MAP6: variants seen among roughly 807,000 people sequenced by gnomAD.
MAP6 encodes the protein microtubule associated protein 6, also known as microtubule-associated protein 6.
A neutral mutation model predicts 42.4 loss-of-function variants in MAP6; 26 were observed. That is an observed-to-expected ratio of 0.61 (90% CI 0.45 to 0.85). The LOEUF (loss-of-function observed/expected upper bound fraction) is 0.85, where lower values mean the gene tolerates loss of function less well. Among genes scored for constraint, MAP6 ranks in the 40% least tolerant of loss-of-function variants. The pLI, the probability that MAP6 is intolerant of heterozygous loss-of-function variation, is 0.00. For synonymous variants in MAP6, 418 were observed against 443.8 expected, an observed-to-expected ratio of 0.94 and a Z score of 0.73; for missense variants, 966 against 1,099.0, an observed-to-expected ratio of 0.88 and a Z score of 1.71.
intron 1 of MAP6, among the ~76,000 whole-genome samples, chr11:75,666,094 C>A (rs989133544): frequency 1.3e-5 from 2 of 152,162 alleles, no homozygotes; most frequent in Admixed American, 6.5e-5. Context: ...CCCCGCCCCC[C>A]ACACCCTCTT....
chr11:75,612,568 T>C (rs1406744405), intron 1 of MAP6, among the ~76,000 whole-genome samples: 1 of 152,166 alleles, frequency 6.6e-6, no homozygotes, highest in African/African-American at 2.4e-5. Context: ...GCAGGTGAAC[T>C]GATCAGGGTG....
rs143879548 is a variant in MAP6, at chr11:75,618,976, G to T, written c.906-10654C>A. On this transcript the variant is annotated intron_variant, in intron 1 of 3. Transcript: ENST00000304771. ...TGACTCCTGCCCCACAAAGGACTAG[G>T]CCGGCTGAGGGGGAGTGGGTGGGAG... 4.6e-5 allele frequency among the ~76,000 whole-genome samples: 7 copies of T among 152,356 alleles called. No homozygotes were observed. In the East Asian group the frequency reaches 1.3e-3, roughly 29 times the overall value.
chr11:75,603,436 C>T (rs1021481873), intron 3 of MAP6: 13 of 985,448 alleles, frequency 1.3e-5, no homozygotes, highest in Non-Finnish European at 1.6e-5. Context: ...AAGTCTCTTG[C>T]CAGTAAAGTG....
intron 1 of MAP6, among the ~76,000 whole-genome samples, chr11:75,624,198 G>A (rs1943159277): frequency 6.6e-6 from 1 of 152,228 alleles, no homozygotes; most frequent in Admixed American, 6.5e-5. Context: ...GAGAAAATGT[G>A]AGACTTGTTT....
chr11:75,600,910 G>A (rs1440205421), intron 3 of MAP6, among the ~76,000 whole-genome samples: 1 of 152,244 alleles, frequency 6.6e-6, no homozygotes, highest in Non-Finnish European at 1.5e-5. Flanking sequence ...AGGAAGAATT[G>A]AAATACATTT....
chr11:75,589,245 C>T (rs537455048), intron 3 of MAP6, among the ~76,000 whole-genome samples: 1 of 152,342 alleles, frequency 6.6e-6, no homozygotes, highest in African/African-American at 2.4e-5. Flanking sequence ...CTCACTGTGG[C>T]CGTCTGCCTC....
At chr11:75,647,717 A>G (rs1339985125) in intron 1 of MAP6, among the ~76,000 whole-genome samples, 1 of 152,230 alleles carries the variant, frequency 6.6e-6, no homozygotes, top group Non-Finnish European at 1.5e-5. Flanking sequence ...GCAGTATTAT[A>G]GAGATGTTAA....
intron 1 of MAP6, among the ~76,000 whole-genome samples, chr11:75,626,629 T>C (rs1943202098): frequency 6.6e-6 from 1 of 152,192 alleles, no homozygotes. Context: ...CCTGCAGCAA[T>C]TATAATATCG....
chr11:75,625,457 C>T (rs1224024985), intron 1 of MAP6, among the ~76,000 whole-genome samples: 1 of 152,128 alleles, frequency 6.6e-6, no homozygotes, highest in Admixed American at 6.5e-5. Context: ...GATGTTGGGG[C>T]CTACAGTGTG....
intron 3 of MAP6, chr11:75,602,960 A>G (rs773989335): frequency 7.4e-5 from 73 of 985,756 alleles, no homozygotes; most frequent in Non-Finnish European, 8.0e-5. Context: ...TCAATTGGCT[A>G]TACATGAATA....
chr11:75,651,515 C>A (rs1943645680), intron 1 of MAP6, among the ~76,000 whole-genome samples: 1 of 151,990 alleles, frequency 6.6e-6, no homozygotes, highest in African/African-American at 2.4e-5. Context: ...TACCATTTAT[C>A]CCTCGTCCAT....
At chr11:75,618,441 T>C (rs1219915507) in intron 1 of MAP6, among the ~76,000 whole-genome samples, 2 of 151,924 alleles carry the variant, frequency 1.3e-5, no homozygotes, top group African/African-American at 4.8e-5. Context: ...ACCCCATCTC[T>C]ACTAAAAATA....
intron 1 of MAP6, among the ~76,000 whole-genome samples, chr11:75,619,553 T>C (rs184230478): frequency 6.6e-6 from 1 of 152,316 alleles, no homozygotes. Context: ...TACCCCTCTA[T>C]GTGTTCATGT....
rs915537961 is a variant in MAP6, at chr11:75,608,326, T to G, written c.906-4A>C. The stretch of plus-strand genomic sequence containing the variant: ...CGTCCATGCCCTGAATTCATTCCTG[T>G]TAGTCAAAGAAAGCATATGTGATAT... On this transcript the variant is annotated splice_polypyrimidine_tract_variant and splice_region_variant and intron_variant, in intron 1 of 3. Coordinates refer to ENST00000304771, the MANE Select transcript of MAP6 (RefSeq NM_033063.2). 3.7e-6 allele frequency: 6 copies of G among 1,613,184 alleles called. No individual in the cohort carries two copies. The Admixed American group carries it at 1.0e-4, about 27-fold the overall frequency.
rs899906142 is a variant in MAP6, at chr11:75,605,727, T to C, written c.1316+81A>G. ...GCCTCTAATTAATTTTGTGGCCTTTTTTGGTTTGTTGGTTTAAAAAAAAAA... is the reference window on the plus strand; with the variant it reads ...GCCTCTAATTAATTTTGTGGCCTTTCTTGGTTTGTTGGTTTAAAAAAAAAA... On this transcript the variant is annotated intron_variant, in intron 3 of 3. Coordinates refer to ENST00000304771, the MANE Select transcript of MAP6 (RefSeq NM_033063.2). The C allele has an allele frequency of 1.9e-6, 3 of 1,567,208 alleles. No individual in the cohort carries two copies. In the Admixed American group the frequency reaches 5.8e-5, roughly 31 times the overall value.
chr11:75,603,768 C>T (rs1942708158), intron 3 of MAP6: 1 of 984,820 alleles, frequency 1.0e-6, no homozygotes, highest in African/African-American at 1.7e-5. Flanking sequence ...GGCACACGGG[C>T]TTCTAGCAAG....
intron 1 of MAP6, among the ~76,000 whole-genome samples, chr11:75,650,717 G>C (rs1468702422): frequency 3.3e-5 from 5 of 152,096 alleles, no homozygotes; most frequent in Admixed American, 6.5e-5. Flanking sequence ...TTCTGAAGGA[G>C]GAAATTGAGG....
At chr11:75,613,382 C>T (rs908046309) in intron 1 of MAP6, among the ~76,000 whole-genome samples, 1 of 152,106 alleles carries the variant, frequency 6.6e-6, no homozygotes, top group African/African-American at 2.4e-5. Context: ...GTCACTTTGG[C>T]TCCTGGAAGT....
chr11:75,588,169 G>T lies in MAP6; in HGVS notation c.1332C>A (p.Pro444=). The change falls in exon 4 of 4, where the codon CCC becomes CCA. Residue 444 remains proline, a synonymous_variant. Coordinates refer to ENST00000304771, the MANE Select transcript of MAP6 (RefSeq NM_033063.2). ...LAEAKESLAQ[P]VSDSSKTQGP... ...CTTGAGTCTTACTTGAATCACTGAC[G>T]GGTTGAGCCAGGCTCCTGCAAAGGA... 2 of 1,612,094 alleles carry T rather than the reference G, an allele frequency of 1.2e-6. No homozygotes were observed. Among genetic ancestry groups the T allele is most frequent in the South Asian group, 1.1e-5 (1 of 90,920 alleles).
Sources: gnomAD v4.1 joint callset for allele counts (sites outside exome capture counted in the v4.1 genomes callset) on GRCh38, gnomAD v4.1.1 for gene constraint, MANE v1.5 for transcripts, NCBI Gene and HGNC (gene_info 2026-07-23, HGNC 2026-07-21) for gene names.